TCERG1L: variants seen among roughly 807,000 people sequenced by gnomAD.
TCERG1L encodes transcription elongation regulator 1 like, also known as transcription elongation regulator 1-like protein.
TCERG1L carries 37 observed loss-of-function variants against 56.3 expected under a neutral mutation model. The ratio of observed to expected loss-of-function variants is 0.66; its 90% CI spans 0.51 to 0.87. The LOEUF is 0.87. Among genes scored for constraint, TCERG1L ranks in the 40% least tolerant of loss-of-function variants. The pLI is 0.00. For missense variants in TCERG1L, 799 were observed against 774.2 expected (o/e 1.03, Z -0.38); for synonymous variants, 324 against 326.3 (o/e 0.99, Z 0.08).
chr10:131,133,123 C>A (rs1162557992), intron 8 of TCERG1L, among the ~76,000 whole-genome samples: 1 of 152,206 alleles, frequency 6.6e-6, no homozygotes, highest in African/African-American at 2.4e-5. Context: ...CGGCACCCAG[C>A]AGAGAGAAGA....
intron 4 of TCERG1L, among the ~76,000 whole-genome samples, chr10:131,203,146 C>T (rs938632339): frequency 6.6e-6 from 1 of 152,164 alleles, no homozygotes; most frequent in African/African-American, 2.4e-5. Context: ...GCAGTGACGC[C>T]TTCTCAGGAG....
chr10:131,311,211 G>C lies in TCERG1L; in HGVS notation c.342+83C>G. ...GCCGGGGAGGAGGGCGCGCGAGCCG[G>C]AGGCCAGAGCCGGGCCGGGCAGGGC... is the stretch of plus-strand genomic sequence containing the variant. On this transcript the variant is annotated intron_variant, in intron 1 of 11. Coordinates refer to ENST00000368642, the MANE Select transcript of TCERG1L (RefSeq NM_174937.4). The surrounding 1 kb of genome is among the most constrained non-coding windows in gnomAD (Gnocchi z 4.0). The C allele has an allele frequency of 9.1e-7, 1 of 1,099,258 alleles. No individual in the cohort carries two copies. The highest frequency in any genetic ancestry group is 1.6e-5 in the African/African-American group (1 of 60,712). The allele number at this position is 1,099,258 out of a possible 1,614,324, so 68.1% of individuals were successfully genotyped here. A position where few individuals can be genotyped will look rare whatever the true frequency, so the allele number is the denominator to read the frequency against.
intron 4 of TCERG1L, among the ~76,000 whole-genome samples, chr10:131,169,517 A>G (rs1416306095): frequency 6.6e-6 from 1 of 152,218 alleles, no homozygotes; most frequent in Admixed American, 6.5e-5. Flanking sequence ...GACTGCTCTG[A>G]GACCTATTTT....
At chr10:131,277,881 G>A (rs143514660) in intron 3 of TCERG1L, among the ~76,000 whole-genome samples, 1 of 152,148 alleles carries the variant, frequency 6.6e-6, no homozygotes, top group South Asian at 2.1e-4. Context: ...CTCCTGAGCC[G>A]GGAGAGCCAC....
intron 4 of TCERG1L, among the ~76,000 whole-genome samples, chr10:131,196,500 C>T (rs1414556377): frequency 6.6e-6 from 1 of 152,238 alleles, no homozygotes; most frequent in African/African-American, 2.4e-5. Context: ...CTGAGGACAA[C>T]CTCGATGTGC....
intron 4 of TCERG1L, among the ~76,000 whole-genome samples, chr10:131,176,793 C>CAGGCACACACACCAAG: frequency 3.9e-4 from 1 of 2,558 alleles, no homozygotes; most frequent in Non-Finnish European, 1.3e-3. Flanking sequence ...CACAGAGATA[C>CAGGCACACACACCAAG]ACGTACATAC....
At chr10:131,129,017 T>C (rs1339157999) in intron 8 of TCERG1L, among the ~76,000 whole-genome samples, 2 of 152,240 alleles carry the variant, frequency 1.3e-5, no homozygotes, top group African/African-American at 4.8e-5. Context: ...AGGAATGCGA[T>C]GATCTATGTC....
In TCERG1L at chr10:131,311,469, A is replaced by AC; in HGVS notation, c.166dup (p.Val56GlyfsTer106). 1 of 1,178,032 alleles carries AC rather than the reference A, an allele frequency of 8.5e-7. No homozygotes were observed. The highest frequency in any genetic ancestry group is 1.0e-6 in the Non-Finnish European group (1 of 956,610). 73.0% of individuals were successfully genotyped at this position (1,178,032 alleles called of 1,614,324 possible). A position where few individuals can be genotyped will look rare whatever the true frequency, so the allele number is the denominator to read the frequency against. On this transcript the variant is annotated frameshift_variant, in exon 1 of 12. Coordinates refer to ENST00000368642, the MANE Select transcript of TCERG1L (RefSeq NM_174937.4). LOFTEE classifies it high-confidence loss of function. The surrounding 1 kb of genome is among the most constrained non-coding windows in gnomAD (Gnocchi z 4.0). ...GGCGAGCAGCACCGGGGGAACCACG[A>AC]CCCCCGCGCTGAGCCGGAGCAGCCC...
intron 4 of TCERG1L, among the ~76,000 whole-genome samples, chr10:131,252,295 C>T (rs1053790824): frequency 4.6e-5 from 7 of 152,096 alleles, no homozygotes; most frequent in Non-Finnish European, 8.8e-5. Context: ...TAACTGAGGA[C>T]CTGCCACACG....
intron 7 of TCERG1L, among the ~76,000 whole-genome samples, chr10:131,139,427 T>C (rs759557167): frequency 6.6e-5 from 10 of 151,810 alleles, no homozygotes; most frequent in Non-Finnish European, 8.8e-5. Context: ...AGGAGATGGA[T>C]AGGAGAGAAA....
At chr10:131,244,692 A>G (rs1347743104) in intron 4 of TCERG1L, among the ~76,000 whole-genome samples, 1 of 152,110 alleles carries the variant, frequency 6.6e-6, no homozygotes, top group Non-Finnish European at 1.5e-5. Flanking sequence ...AGGATGGCCA[A>G]TTGGGGAGGG....
intron 3 of TCERG1L, among the ~76,000 whole-genome samples, chr10:131,277,286 C>T (rs371127100): frequency 6.6e-6 from 1 of 152,190 alleles, no homozygotes; most frequent in African/African-American, 2.4e-5. Flanking sequence ...CTGGAACTTA[C>T]AAAGGAGATG....
chr10:131,265,013 C>T (rs1417383906), intron 3 of TCERG1L, among the ~76,000 whole-genome samples: 2 of 152,122 alleles, frequency 1.3e-5, no homozygotes, highest in East Asian at 1.9e-4. Context: ...CCAGCCGAGC[C>T]CTTAATTAAG....
At chr10:131,219,626 G>A (rs966076383) in intron 4 of TCERG1L, among the ~76,000 whole-genome samples, 9 of 152,190 alleles carry the variant, frequency 5.9e-5, no homozygotes, top group South Asian at 4.1e-4. Context: ...CATGTCTCCC[G>A]CCTCCCCAGG....
intron 8 of TCERG1L, among the ~76,000 whole-genome samples, chr10:131,124,807 AGC>A (rs1845548281): frequency 6.6e-6 from 1 of 152,212 alleles, no homozygotes; most frequent in Non-Finnish European, 1.5e-5. Flanking sequence ...GTGGTCTCTG[AGC>A]TCGGAACCTG....
At chr10:131,210,752 A>G (rs1845608664) in intron 4 of TCERG1L, among the ~76,000 whole-genome samples, 2 of 151,842 alleles carry the variant, frequency 1.3e-5, no homozygotes, top group Non-Finnish European at 2.9e-5. Flanking sequence ...TAACCACCCC[A>G]TCAGGCCCAC....
intron 3 of TCERG1L, among the ~76,000 whole-genome samples, chr10:131,287,785 T>G (rs1846562270): frequency 6.6e-6 from 1 of 152,156 alleles, no homozygotes. Flanking sequence ...TGCAATTAAC[T>G]CTTGCAATAA....
intron 4 of TCERG1L, among the ~76,000 whole-genome samples, chr10:131,178,305 C>T (rs754047816): frequency 2.0e-4 from 30 of 152,146 alleles, no homozygotes; most frequent in African/African-American, 6.3e-4. Context: ...CCGACTAGCG[C>T]GGGGCCCTGG....
chr10:131,129,445 A>G (rs1219706229), intron 8 of TCERG1L, among the ~76,000 whole-genome samples: 1 of 152,256 alleles, frequency 6.6e-6, no homozygotes, highest in Non-Finnish European at 1.5e-5. Context: ...GCTGGCGTTG[A>G]GCTGATGCTG....
Sources: allele counts gnomAD v4.1 joint callset (sites outside exome capture counted in the v4.1 genomes callset), GRCh38; gene constraint gnomAD v4.1.1; non-coding constraint Gnocchi (gnomAD v3.1); transcripts MANE v1.5; gene names NCBI Gene and HGNC (gene_info 2026-07-23, HGNC 2026-07-21).